SLC26A4: variants seen among roughly 807,000 people sequenced by gnomAD.
The protein encoded by SLC26A4 is solute carrier family 26 member 4.
Under a neutral mutation model 90.4 loss-of-function variants are expected in SLC26A4, and 93 were observed. The ratio of observed to expected loss-of-function variants is 1.03; its 90% confidence interval spans 0.87 to 1.22. The LOEUF (loss-of-function observed/expected upper bound fraction) is 1.22. Ranked by LOEUF, SLC26A4 falls within the 50% of genes most tolerant of loss-of-function variation. The pLI, the probability that SLC26A4 is intolerant of heterozygous loss-of-function variation, is 0.00. For missense variants in SLC26A4, 1,127 were observed against 946.2 expected, an observed-to-expected ratio of 1.19 and a Z score of -2.51; for synonymous variants, 393 against 354.6, an observed-to-expected ratio of 1.11 and a Z score of -1.22.
At chr7:107,698,422 AT>A (rs1337524887) in intron 14 of SLC26A4, among the ~76,000 whole-genome samples, 1 of 151,582 alleles carries the variant, frequency 6.6e-6, no homozygotes, top group African/African-American at 2.4e-5. Context: ...GGTTCAAGTG[AT>A]TCTCTTGTCT....
At chr7:107,697,916 C>T in intron 13 of SLC26A4, 126 bp from the exon 14 acceptor site, 1 of 709,416 alleles carries the variant, frequency 1.4e-6, no homozygotes, top group Non-Finnish European at 2.6e-6. Context: ...AGGAAAATGT[C>T]ATCTGCAATA....
At chr7:107,697,944 A>T in intron 13 of SLC26A4, 98 bp from the exon 14 acceptor site, 1 of 785,850 alleles carries the variant, frequency 1.3e-6, no homozygotes, top group Non-Finnish European at 2.3e-6. Flanking sequence ...AGTCCAAAAC[A>T]CCAGAATGAT....
At chr7:107,663,859 A>G (rs1790641708) in intron 3 of SLC26A4, among the ~76,000 whole-genome samples, 2 of 151,930 alleles carry the variant, frequency 1.3e-5, no homozygotes. Flanking sequence ...AATTTTTTGT[A>G]TTTTTAGTAG....
chr7:107,712,743 A>C, intron 20 of SLC26A4, 121 bp downstream of exon 20: 1 of 707,732 alleles, frequency 1.4e-6, no homozygotes, highest in East Asian at 2.7e-5. Flanking sequence ...AAATGCAGAA[A>C]AGATGGCTTC....
chr7:107,677,264 C>T (rs765557905), intron 6 of SLC26A4, among the ~76,000 whole-genome samples: 2 of 152,100 alleles, frequency 1.3e-5, no homozygotes, highest in East Asian at 1.9e-4. Flanking sequence ...CTTGAGTTGG[C>T]ATCTTGGTTC....
chr7:107,702,330 G>T (rs1791919150), intron 17 of SLC26A4, among the ~76,000 whole-genome samples: 1 of 152,174 alleles, frequency 6.6e-6, no homozygotes, highest in Non-Finnish European at 1.5e-5. Context: ...TGGAGGTAAT[G>T]ATGGTATCTA....
chr7:107,671,416 T>C (rs543410153), intron 3 of SLC26A4, among the ~76,000 whole-genome samples: 4 of 152,334 alleles, frequency 2.6e-5, no homozygotes, highest in Non-Finnish European at 4.4e-5. Context: ...TGCCTATGGC[T>C]TCCCAAAGCA....
intron 6 of SLC26A4, 106 bp downstream of exon 6, chr7:107,675,215 C>A: frequency 8.8e-7 from 1 of 1,142,772 alleles, no homozygotes; most frequent in Non-Finnish European, 1.3e-6. Flanking sequence ...CCTGTAATCC[C>A]AGCACTTTGG....
intron 20 of SLC26A4, among the ~76,000 whole-genome samples, chr7:107,713,551 A>G (rs903537889): frequency 1.3e-5 from 2 of 152,200 alleles, no homozygotes; most frequent in East Asian, 3.8e-4. Context: ...AGTTCCTTCT[A>G]TTCCTTACAA....
intron 3 of SLC26A4, among the ~76,000 whole-genome samples, chr7:107,669,234 A>T (rs1291511033): frequency 1.3e-5 from 2 of 152,154 alleles, no homozygotes; most frequent in Non-Finnish European, 1.5e-5. Context: ...TAGGATTACA[A>T]TCATGAGCCA....
chr7:107,714,005 C>T (rs535137610), intron 20 of SLC26A4, among the ~76,000 whole-genome samples: 31 of 152,212 alleles, frequency 2.0e-4, no homozygotes, highest in Admixed American at 1.6e-3. Context: ...ATCCCTCCCT[C>T]CCAGGTTCAA....
At position 107,717,515 on chromosome 7, in the gene SLC26A4, A is replaced by C. The variant is rs1450682017; in HGVS notation, c.*2069A>C. On this transcript the variant is annotated 3_prime_UTR_variant, in exon 21 of 21. Coordinates refer to ENST00000644269, the MANE Select transcript of SLC26A4 (RefSeq NM_000441.2). Reference sequence around the variant, plus strand: ...TTTACAACAAGGCTAGAGTTTGTAAATTCTGGGTTCATTTGTGATGACATA... The same window carrying C: ...TTTACAACAAGGCTAGAGTTTGTAACTTCTGGGTTCATTTGTGATGACATA... 6.6e-6 allele frequency: 1 copy of C among 152,654 alleles called. No homozygotes were observed. Among genetic ancestry groups the C allele is most frequent in the Non-Finnish European group, 1.5e-5 (1 of 68,046 alleles). 9.5% of individuals were successfully genotyped at this position (152,654 alleles called of 1,614,324 possible).
intron 14 of SLC26A4, among the ~76,000 whole-genome samples, chr7:107,698,646 T>C (rs1307367835): frequency 6.6e-6 from 1 of 152,124 alleles, no homozygotes. Flanking sequence ...ATAAAACTGT[T>C]GTAAGAGGAA....
chr7:107,662,174 C>A (rs1790578717), intron 2 of SLC26A4: 1 of 266,866 alleles, frequency 3.7e-6, no homozygotes, highest in South Asian at 5.6e-5. Flanking sequence ...GGAAACCCAG[C>A]TCTTGACCAG....
Position 107,663,353 on chromosome 7 carries a change from G to T in SLC26A4, c.222G>T (p.Trp74Cys). The T allele has an allele frequency of 6.2e-7, 1 of 1,614,120 alleles. No individual in the cohort carries two copies. Among genetic ancestry groups the T allele is most frequent in the Non-Finnish European group, 8.5e-7 (1 of 1,179,970 alleles). Residue 74 changes from tryptophan (W) to cysteine (C), a missense_variant, in exon 3 of 21, where the codon TGG (tryptophan) becomes TGT (cysteine). Transcript: ENST00000644269. Reference sequence around the variant, plus strand: ...AGACTCTTGTGCCCATCTTGGAGTGGCTCCCCAAATACCGAGTCAAGGAAT... The same window carrying T: ...AGACTCTTGTGCCCATCTTGGAGTGTCTCCCCAAATACCGAGTCAAGGAAT... ...VLKTLVPILE[W>C]LPKYRVKEWL...
intron 10 of SLC26A4, chr7:107,692,808 G>A (rs1304249624): frequency 6.6e-6 from 1 of 152,108 alleles, no homozygotes; most frequent in Non-Finnish European, 1.5e-5. Flanking sequence ...TAGATATAAA[G>A]TCTACAGAGT....
intron 8 of SLC26A4, among the ~76,000 whole-genome samples, chr7:107,684,409 T>G (rs887934735): frequency 1.8e-4 from 28 of 152,132 alleles, no homozygotes; most frequent in Non-Finnish European, 3.7e-4. Flanking sequence ...TTGGTACCAG[T>G]GTTTGTTTTC....
intron 14 of SLC26A4, 35 bp from the exon 15 acceptor site, chr7:107,700,048 A>G (rs1791842444): frequency 8.3e-7 from 1 of 1,210,722 alleles, no homozygotes; most frequent in African/African-American, 1.5e-5. Flanking sequence ...GAGGCTTGAA[A>G]TTATTTAATC....
Position 107,692,192 on chromosome 7 carries a change from G to A in SLC26A4, c.1263+1955G>A, listed in dbSNP as rs1791595242. ...GCATGTATTATATTTAGGAATGAAG[G>A]ATGCCAGGATTTCAGCATTAAAGAA... On this transcript the variant is annotated intron_variant, in intron 10 of 20. Coordinates refer to ENST00000644269, the MANE Select transcript of SLC26A4 (RefSeq NM_000441.2). 4 of 716,470 alleles carry A rather than the reference G, an allele frequency of 5.6e-6. No homozygotes were observed. In the South Asian group the frequency reaches 8.6e-5, roughly 15 times the overall value. The allele number at this position is 716,470 out of a possible 1,614,324, so 44.4% of individuals were successfully genotyped here.
Sources: allele counts gnomAD v4.1 joint callset (sites outside exome capture counted in the v4.1 genomes callset), GRCh38; gene constraint gnomAD v4.1.1; transcripts MANE v1.5; gene names NCBI Gene and HGNC (gene_info 2026-07-23, HGNC 2026-07-21).